The following OSGEPL1 variants were observed in gnomAD, a reference collection of about 807,000 sequenced individuals.
OSGEPL1 encodes the protein tRNA N6-adenosine threonylcarbamoyltransferase, mitochondrial.
Under a neutral mutation model 37.2 loss-of-function variants are expected in OSGEPL1, and 26 were observed. The observed-to-expected ratio is 0.70, with a 90% confidence interval of 0.51 to 0.97. The LOEUF (loss-of-function observed/expected upper bound fraction) is 0.97, where lower values mean the gene tolerates loss of function less well. Ranked by LOEUF, OSGEPL1 falls within the 50% of genes least tolerant of loss-of-function variation. The pLI is 0.00. For missense variants in OSGEPL1, 404 were observed against 487.0 expected, an observed-to-expected ratio of 0.83 and a Z score of 1.60; for synonymous variants, 140 against 159.9, an observed-to-expected ratio of 0.88 and a Z score of 0.94.
chr2:189,754,942 AT>A (rs2045879501), intron 3 of OSGEPL1: 2 of 515,480 alleles, frequency 3.9e-6, no homozygotes, highest in East Asian at 7.2e-5. Context: ...TCTGCAAACT[AT>A]TTCAGCCTTT....
At position 189,754,224 on chromosome 2, in the gene OSGEPL1, T is replaced by A; in HGVS notation, c.731A>T (p.His244Leu). The part of the protein sequence containing the change: ...RFHFDIKPPL[H>L]HAKNCDFSFT... ...AGAAAAATCACAATTTTTAGCATGATGCAAGGGAGGTTTGATGTCAAAATG... is the reference window on the plus strand; with the variant it reads ...AGAAAAATCACAATTTTTAGCATGAAGCAAGGGAGGTTTGATGTCAAAATG... The change falls in exon 4 of 9, where the codon CAT (histidine) becomes CTT (leucine). Residue 244 changes from histidine to leucine, a missense_variant. By Grantham distance (99) the His-to-Leu change is moderately conservative (BLOSUM62 -3). Transcript: ENST00000264151. 1 of 1,613,928 alleles carries A rather than the reference T, an allele frequency of 6.2e-7. No homozygotes were observed. Among genetic ancestry groups the A allele is most frequent in the South Asian group, 1.1e-5 (1 of 91,074 alleles).
intron 8 of OSGEPL1, 67 bp downstream of exon 8, chr2:189,750,483 A>G: frequency 1.6e-6 from 1 of 618,400 alleles, no homozygotes; most frequent in Admixed American, 3.5e-5. Flanking sequence ...ATGAATAATT[A>G]ATATTATATA....
rs769515901 is a variant in OSGEPL1, at chr2:189,761,551, A to G, written c.90T>C (p.Pro30=). 1 of 1,611,398 alleles carries G rather than the reference A, an allele frequency of 6.2e-7. No individual in the cohort carries two copies. The highest frequency in any genetic ancestry group is 8.5e-7 in the Non-Finnish European group (1 of 1,179,152). ...YEFLRSFNFH[P]GTLFLHKIVL... ...CTATTTTATGAAGAAATAGTGTTCC[A>G]GGATGAAAATTAAAACTTCTTAAAA... The change falls in exon 2 of 9, where the codon CCT becomes CCC. Residue 30 remains proline, a synonymous_variant. Coordinates refer to ENST00000264151, the MANE Select transcript of OSGEPL1 (RefSeq NM_022353.3).
chr2:189,762,521 C>A, intron 1 of OSGEPL1, 164 bp downstream of exon 1: 1 of 880,152 alleles, frequency 1.1e-6, no homozygotes, highest in Non-Finnish European at 1.4e-6. Context: ...GAGGATTGTA[C>A]GAAGCACTAC....
At chr2:189,761,744 C>A in intron 1 of OSGEPL1, 84 bp from the exon 2 acceptor site, 1 of 1,371,016 alleles carries the variant, frequency 7.3e-7, no homozygotes, top group East Asian at 2.7e-5. Context: ...TACAGAATTA[C>A]AGGAAAGTTT....
At chr2:189,747,413 C>G (rs1480163981) in intron 8 of OSGEPL1, 2 of 128,378 alleles carry the variant, frequency 1.6e-5, no homozygotes, top group African/African-American at 5.7e-5. Flanking sequence ...GAAAATAAAA[C>G]AAAAATTTTT....
chr2:189,751,833 A>AACTTT (rs1408887521), intron 7 of OSGEPL1, among the ~76,000 whole-genome samples: 2 of 150,862 alleles, frequency 1.3e-5, no homozygotes, highest in African/African-American at 4.9e-5. Flanking sequence ...TTCCAGAATT[A>AACTTT]AAACAGAATT....
intron 7 of OSGEPL1, 46 bp downstream of exon 7, chr2:189,752,607 C>T (rs1042737427): frequency 1.3e-6 from 2 of 1,594,998 alleles, no homozygotes; most frequent in South Asian, 1.1e-5. Flanking sequence ...CAGGCTTTGT[C>T]TTAAGTAATG....
chr2:189,754,367 TAG>T (rs1053201535), intron 3 of OSGEPL1, 22 bp from the exon 4 acceptor site: 2 of 1,568,634 alleles, frequency 1.3e-6, no homozygotes, highest in African/African-American at 2.7e-5. Flanking sequence ...ACATATTTTT[TAG>T]AGTCATAAAA....
intron 2 of OSGEPL1, among the ~76,000 whole-genome samples, chr2:189,758,875 C>T (rs546544207): frequency 9.9e-5 from 15 of 152,150 alleles, no homozygotes; most frequent in Non-Finnish European, 1.9e-4. Context: ...GATGGGAGTA[C>T]CTAATTTAGA....
intron 2 of OSGEPL1, among the ~76,000 whole-genome samples, chr2:189,757,635 A>C (rs574941313): frequency 6.6e-6 from 1 of 152,374 alleles, no homozygotes; most frequent in African/African-American, 2.4e-5. Flanking sequence ...TAAATGGTTG[A>C]ACCAGAATAT....
intron 8 of OSGEPL1, among the ~76,000 whole-genome samples, chr2:189,748,565 C>A (rs1225075): frequency 0.98 from 149,536 of 152,362 alleles, 73,438 homozygotes; most frequent in East Asian, 1. Flanking sequence ...TTCATATTTA[C>A]TTCTAAATTA....
chr2:189,751,830 A>AC lies in OSGEPL1; in HGVS notation c.1166+822_1166+823insG, dbSNP rs1559162289. Among the ~76,000 whole-genome samples, 6 of 151,746 alleles carry AC rather than the reference A, an allele frequency of 4.0e-5. No individual in the cohort carries two copies. The East Asian group carries it at 7.8e-4, about 20-fold the overall frequency. Reference sequence around the variant, plus strand: ...AATAATTGTCTTTTACTATTCCAGAATTAAAACAGAATTTGATAGTAATTT... The same window carrying AC: ...AATAATTGTCTTTTACTATTCCAGAACTTAAAACAGAATTTGATAGTAATTT... On this transcript the variant is annotated intron_variant, in intron 7 of 8. Coordinates refer to ENST00000264151, the MANE Select transcript of OSGEPL1 (RefSeq NM_022353.3).
At position 189,746,713 on chromosome 2, in the gene OSGEPL1, C is replaced by A. The variant is rs2044212690; in HGVS notation, c.*484G>T. On this transcript the variant is annotated 3_prime_UTR_variant, in exon 9 of 9. Coordinates refer to ENST00000264151, the MANE Select transcript of OSGEPL1 (RefSeq NM_022353.3). ...TAATGGTAATATGCAAATAACATAA[C>A]TGAATAATCTTTTTGAATGAAAGTT... 2 of 1,325,014 alleles carry A rather than the reference C, an allele frequency of 1.5e-6. No homozygotes were observed. Among genetic ancestry groups the A allele is most frequent in the Non-Finnish European group, 2.0e-6 (2 of 997,946 alleles). 82.1% of individuals were successfully genotyped at this position (1,325,014 alleles called of 1,614,324 possible). A position where few individuals can be genotyped will look rare whatever the true frequency, so the allele number is the denominator to read the frequency against.
In OSGEPL1 at chr2:189,749,623, AT is replaced by A. The variant is rs543701474; in HGVS notation, c.*28+926del. Reference sequence around the variant, plus strand: ...TTTCTCAAATAACTGATGTGAAAGTATGTGGACAACTAAAGCGTACAATACA... The same window carrying A: ...TTTCTCAAATAACTGATGTGAAAGTAGTGGACAACTAAAGCGTACAATACA... On this transcript the variant is annotated intron_variant, in intron 8 of 8. Coordinates refer to ENST00000264151, the MANE Select transcript of OSGEPL1 (RefSeq NM_022353.3). Among the ~76,000 whole-genome samples, 86 of 152,344 alleles carry A rather than the reference AT, an allele frequency of 5.6e-4. 1 individual carries two copies. The highest frequency in any genetic ancestry group is 2.0e-3 in the African/African-American group (84 of 41,572).
upstream of OSGEPL1, chr2:189,762,902 G>A (rs1015835692): frequency 8.1e-6 from 8 of 985,386 alleles, no homozygotes; most frequent in Non-Finnish European, 9.6e-6. Context: ...AACGCTCTCT[G>A]TGCGCACCTG....
chr2:189,755,223 G>A lies in OSGEPL1; in HGVS notation c.559C>T (p.Leu187=), dbSNP rs201374425. The A allele has an allele frequency of 6.2e-6, 10 of 1,612,056 alleles. No homozygotes were observed. Among genetic ancestry groups the A allele is most frequent in the Admixed American group, 1.7e-5 (1 of 59,334 alleles). The change falls in exon 3 of 9, where the codon CTG becomes TTG. Residue 187 remains leucine, a synonymous_variant. Coordinates refer to ENST00000264151, the MANE Select transcript of OSGEPL1 (RefSeq NM_022353.3). ...LALVQGVSDF[L]LLGKSLDIAP... is the part of the protein sequence containing the mutation. ...ATGTCCAAAGACTTTCCAAGAAGCA[G>A]AAAATCTGAAACTCCTTGAACTAAT...
At chr2:189,762,275 T>C (rs1013307303) in intron 1 of OSGEPL1, among the ~76,000 whole-genome samples, 2 of 152,202 alleles carry the variant, frequency 1.3e-5, no homozygotes, top group African/African-American at 4.8e-5. Context: ...TAGCAGCCCA[T>C]CACTAAAGCA....
rs1446113706 is a variant in OSGEPL1, at chr2:189,754,072, A to C, written c.815-8T>G. ...TTTGCCCCTTCTCAATACCTGCAGA[A>C]ATGAGCAGCTATTTTTAGGCACAAT... On this transcript the variant is annotated splice_polypyrimidine_tract_variant and splice_region_variant and intron_variant, in intron 4 of 8. Coordinates refer to ENST00000264151, the MANE Select transcript of OSGEPL1 (RefSeq NM_022353.3). 1 of 1,612,370 alleles carries C rather than the reference A, an allele frequency of 6.2e-7. No homozygotes were observed. The highest frequency in any genetic ancestry group is 2.2e-5 in the East Asian group (1 of 44,874).
Sources: allele counts gnomAD v4.1 joint callset (sites outside exome capture counted in the v4.1 genomes callset), GRCh38; gene constraint gnomAD v4.1.1; transcripts MANE v1.5; gene names NCBI Gene and HGNC (gene_info 2026-07-23, HGNC 2026-07-21).